Variants in ZNF517 observed in about 807,000 individuals in gnomAD.
ZNF517 encodes the protein zinc finger protein 517.
Under a neutral mutation model 12.1 loss-of-function variants are expected in ZNF517, and 12 were observed. That is an observed-to-expected ratio of 0.99 (90% CI 0.63 to 1.61). ZNF517 has a LOEUF of 1.61. Among genes scored for constraint, ZNF517 ranks in the 40% most tolerant of loss-of-function variants. The probability of loss-of-function intolerance (pLI) is 0.00; values close to 1 mark genes in which losing one functional copy is unlikely to be tolerated. For synonymous variants in ZNF517, 388 were observed against 310.2 expected (o/e 1.25, Z -2.63); for missense variants, 781 against 693.2 (o/e 1.13, Z -1.42).
At position 144,809,490 on chromosome 8, in the gene ZNF517, CTT is replaced by C. The variant is rs1303787051; in HGVS notation, c.*1098_*1099del. 2 of 152,302 alleles carry C rather than the reference CTT, an allele frequency of 1.3e-5. No homozygotes were observed. The highest frequency in any genetic ancestry group is 3.9e-4 in the East Asian group (2 of 5,194). 9.4% of individuals were successfully genotyped at this position (152,302 alleles called of 1,614,324 possible). On this transcript the variant is annotated 3_prime_UTR_variant, in exon 5 of 5. Coordinates refer to ENST00000359971, the MANE Select transcript of ZNF517 (RefSeq NM_213605.3). Reference sequence around the variant, plus strand: ...CAAAGGGAGAAGACAAGCAAATTCTCTTTTCTGGAGGGAGACACCCATCTCCT... The same window carrying C: ...CAAAGGGAGAAGACAAGCAAATTCTCTTCTGGAGGGAGACACCCATCTCCT...
downstream of ZNF517, chr8:144,810,293 C>T: frequency 3.4e-6 from 2 of 584,054 alleles, no homozygotes; most frequent in East Asian, 2.8e-5. Flanking sequence ...GTTACCTGCC[C>T]ACTGGTGTGT....
At chr8:144,800,618 A>G in intron 1 of ZNF517, 1 of 985,346 alleles carries the variant, frequency 1.0e-6, no homozygotes, top group Non-Finnish European at 1.2e-6. Context: ...GGGTCCTGCC[A>G]CAGACTGCCC....
At position 144,807,449 on chromosome 8, in the gene ZNF517, AC is replaced by A. The variant is rs1216569110; in HGVS notation, c.534del (p.Tyr178Ter). The A allele has an allele frequency of 6.3e-7, 1 of 1,575,942 alleles. No homozygotes were observed. ...CCTGTGGGGAGCTCAGCCCCCCGCT[AC>A]AGGTGCGTGTGCGGCAAGGCGTTCA... ...GRPVGSSAPR[Y>X]RCVCGKAFRY... On this transcript the variant is annotated frameshift_variant, in exon 5 of 5. Coordinates refer to ENST00000359971, the MANE Select transcript of ZNF517 (RefSeq NM_213605.3). LOFTEE classifies it low-confidence loss of function (END_TRUNC).
In ZNF517 at chr8:144,808,005, G is replaced by T; in HGVS notation, c.1089G>T (p.Ala363=). 1 of 1,569,652 alleles carries T rather than the reference G, an allele frequency of 6.4e-7. No individual in the cohort carries two copies. The highest frequency in any genetic ancestry group is 1.2e-5 in the South Asian group (1 of 85,510). The change falls in exon 5 of 5, where the codon GCG becomes GCT. Residue 363 remains alanine (A), a synonymous_variant. Coordinates refer to ENST00000359971, the MANE Select transcript of ZNF517 (RefSeq NM_213605.3). ...ALLGAAQRPQ[A]GDPPHECPVC... is the part of the protein sequence containing the mutation. ...TCGGAGCTGCGCAGAGGCCCCAGGCGGGGGACCCGCCCCACGAGTGCCCGG... is the reference window on the plus strand; with the variant it reads ...TCGGAGCTGCGCAGAGGCCCCAGGCTGGGGACCCGCCCCACGAGTGCCCGG...
downstream of ZNF517, chr8:144,811,001 G>A (rs547056741): frequency 5.9e-5 from 9 of 152,096 alleles, no homozygotes; most frequent in African/African-American, 2.2e-4. Flanking sequence ...AGCCCAGGTT[G>A]AGTGGGCAGG....
chr8:144,808,161 G>A lies in ZNF517; in HGVS notation c.1245G>A (p.Gln415=). 1.2e-6 allele frequency: 2 copies of A among 1,611,026 alleles called. No homozygotes were observed. The highest frequency in any genetic ancestry group is 1.7e-6 in the Non-Finnish European group (2 of 1,178,918). ...FGRKSNLTLH[Q]KIHTKEKPFA... The stretch of plus-strand genomic sequence containing the variant: ...GCAAGTCCAACCTCACTCTGCACCA[G>A]AAGATCCACACCAAGGAGAAGCCCT... Residue 415 remains glutamine, a synonymous_variant, in exon 5 of 5, where the codon CAG becomes CAA. Transcript: ENST00000359971.
Position 144,807,528 on chromosome 8 carries a change from C to G in ZNF517, c.612C>G (p.Pro204=). The G allele has an allele frequency of 2.5e-6, 4 of 1,596,000 alleles. No individual in the cohort carries two copies. The highest frequency in any genetic ancestry group is 3.4e-6 in the Non-Finnish European group (4 of 1,171,684). ...AGATCATCCACACCGGCGCCAAGCC[C>G]TTCCAGTGCACAGAGTGCGGGAAGG... ...RHQIIHTGAK[P]FQCTECGKAF... is the part of the protein sequence containing the mutation. The change falls in exon 5 of 5, where the codon CCC becomes CCG. Residue 204 remains proline, a synonymous_variant. Coordinates refer to ENST00000359971, the MANE Select transcript of ZNF517 (RefSeq NM_213605.3).
At chr8:144,800,595 C>T (rs1286110347) in intron 1 of ZNF517, 5 of 985,222 alleles carry the variant, frequency 5.1e-6, no homozygotes, top group African/African-American at 1.7e-5. Context: ...GTGGCCATCG[C>T]AGTGGCCCAG....
Position 144,807,289 on chromosome 8 carries a change from G to A in ZNF517, c.373G>A (p.Gly125Arg). 6.4e-7 allele frequency: 1 copy of A among 1,554,602 alleles called. No individual in the cohort carries two copies. Among genetic ancestry groups the A allele is most frequent in the Non-Finnish European group, 8.7e-7 (1 of 1,151,216 alleles). The change falls in exon 5 of 5, where the codon GGG becomes AGG. Residue 125 changes from glycine to arginine, a missense_variant. Transcript: ENST00000359971. ...CACCGTGTGGGGGTGCCTCCCCTGG[G>A]GGCACCCTGTGGGGGGGCACCCTGC... is the stretch of plus-strand genomic sequence containing the variant. ...PGTVWGCLPW[G>R]HPVGGHPAPP... is the part of the protein sequence containing the mutation.
chr8:144,808,339 G>T lies in ZNF517; in HGVS notation c.1423G>T (p.Gly475Cys). ...CCTCATCCAGCACCAGAAGGTGCACGGCCGCGAGCCCGGGGAGGACACAGA... is the reference window on the plus strand; with the variant it reads ...CCTCATCCAGCACCAGAAGGTGCACTGCCGCGAGCCCGGGGAGGACACAGA... ...STLIQHQKVHGREPGEDTEGR... is the reference protein window; with the variant it reads ...STLIQHQKVHCREPGEDTEGR... The change falls in exon 5 of 5, where the codon GGC (glycine) becomes TGC (cysteine). Residue 475 changes from glycine (G) to cysteine (C), a missense_variant. By Grantham distance (159) the Gly-to-Cys change is radical. Transcript: ENST00000359971. 1.3e-6 allele frequency: 2 copies of T among 1,486,234 alleles called. No homozygotes were observed. The highest frequency in any genetic ancestry group is 1.4e-5 in the African/African-American group (1 of 70,912). 92.1% of individuals were successfully genotyped at this position (1,486,234 alleles called of 1,614,324 possible). A position where few individuals can be genotyped will look rare whatever the true frequency, so the allele number is the denominator to read the frequency against.
intron 4 of ZNF517, among the ~76,000 whole-genome samples, chr8:144,806,548 G>A (rs543472230): frequency 3.3e-5 from 5 of 152,120 alleles, no homozygotes; most frequent in South Asian, 4.2e-4. Context: ...GCAGTGGTGC[G>A]GTCTTGGCTC....
intron 4 of ZNF517, among the ~76,000 whole-genome samples, chr8:144,806,988 G>A (rs1214903304): frequency 1.3e-5 from 2 of 151,994 alleles, no homozygotes; most frequent in African/African-American, 2.4e-5. Context: ...GCTCGATCTC[G>A]GCTCACTACA....
At position 144,808,070 on chromosome 8, in the gene ZNF517, T is replaced by C; in HGVS notation, c.1154T>C (p.Leu385Pro). Residue 385 changes from leucine (L) to proline (P), a missense_variant, in exon 5 of 5, where the codon CTG becomes CCG. By Grantham distance (98) the Leu-to-Pro change is moderately conservative. Transcript: ENST00000359971. Reference sequence around the variant, plus strand: ...TTCCGACACAACTCCCTGCTGCTGCTGCACCTGCGCCTACACACGGGCGAG... The same window carrying C: ...TTCCGACACAACTCCCTGCTGCTGCCGCACCTGCGCCTACACACGGGCGAG... ...RPFRHNSLLLLHLRLHTGEKP... is the reference protein window; with the variant it reads ...RPFRHNSLLLPHLRLHTGEKP... 1.9e-6 allele frequency: 3 copies of C among 1,607,462 alleles called. No homozygotes were observed. Among genetic ancestry groups the C allele is most frequent in the Non-Finnish European group, 2.5e-6 (3 of 1,177,766 alleles).
At chr8:144,810,710 G>A (rs986405338), downstream of ZNF517, 3 of 157,962 alleles carry the variant, frequency 1.9e-5, no homozygotes, top group Non-Finnish European at 4.3e-5. Flanking sequence ...TCTTTGTCCT[G>A]TGCTGGAAAC....
At chr8:144,811,061 C>G (rs547914720), downstream of ZNF517, 1 of 152,378 alleles carries the variant, frequency 6.6e-6, no homozygotes, top group African/African-American at 2.4e-5. Flanking sequence ...GCGTTGCCGG[C>G]CGTGGAGGTC....
rs745533007 is a variant in ZNF517, at chr8:144,803,719, C to G, written c.112C>G (p.Leu38Val). 1.2e-6 allele frequency: 2 copies of G among 1,614,186 alleles called. No individual in the cohort carries two copies. Among genetic ancestry groups the G allele is most frequent in the South Asian group, 2.2e-5 (2 of 91,090 alleles). ...WSCLAPDQQA[L>V]YRDVMLENYG... ...TTGCCTGGCCCCCGACCAGCAGGCA[C>G]TCTACAGGGACGTGATGCTGGAGAA... Residue 38 changes from leucine to valine, a missense_variant, in exon 3 of 5, where the codon CTC becomes GTC. Physicochemically the swap from Leu to Val is conservative, Grantham distance 32. Coordinates refer to ENST00000359971, the MANE Select transcript of ZNF517 (RefSeq NM_213605.3).
chr8:144,802,746 G>A (rs1024396930), intron 1 of ZNF517, 124 bp from the exon 2 acceptor site: 18 of 1,424,908 alleles, frequency 1.3e-5, no homozygotes, highest in African/African-American at 4.3e-5. Context: ...TGAAGGAGGC[G>A]GCTGATGTGA....
chr8:144,806,830 C>A (rs1302570998), intron 4 of ZNF517, among the ~76,000 whole-genome samples: 2 of 152,170 alleles, frequency 1.3e-5, no homozygotes, highest in Non-Finnish European at 2.9e-5. Context: ...CTCAAACCTC[C>A]CTACACGTCT....
chr8:144,810,157 C>T, downstream of ZNF517: 4 of 698,202 alleles, frequency 5.7e-6, no homozygotes, highest in Non-Finnish European at 7.9e-6. Context: ...CCTGCCAGCT[C>T]AGAAGGTGGG....
Sources: allele counts gnomAD v4.1 joint callset (sites outside exome capture counted in the v4.1 genomes callset), GRCh38; gene constraint gnomAD v4.1.1; transcripts MANE v1.5; gene names NCBI Gene and HGNC (gene_info 2026-07-23, HGNC 2026-07-21).